The following NEGR1 variants were observed in gnomAD, a reference collection of about 807,000 sequenced individuals.
NEGR1 encodes IgLON family member 4.
A neutral mutation model predicts 40.9 loss-of-function variants in NEGR1; 10 were observed. The observed-to-expected ratio is 0.24, with a 90% CI of 0.15 to 0.42. NEGR1 has a LOEUF of 0.42. Among genes scored for constraint, NEGR1 ranks in the 10% least tolerant of loss-of-function variants. The probability of loss-of-function intolerance (pLI) is 1.00; values close to 1 mark genes in which losing one functional copy is unlikely to be tolerated. For missense variants in NEGR1, 352 were observed against 438.9 expected (o/e 0.80, Z 1.77); for synonymous variants, 185 against 166.8 (o/e 1.11, Z -0.84).
chr1:71,599,653 A>T, intron 5 of NEGR1, among the ~76,000 whole-genome samples: 1 of 152,248 alleles, frequency 6.6e-6, no homozygotes, highest in East Asian at 1.9e-4. Flanking sequence ...TTAGTTGTGC[A>T]TTTGAATAAA....
At position 71,399,570 on chromosome 1, in the gene NEGR1, TCAG is replaced by T; in HGVS notation, c.*7873_*7875del. The T allele has an allele frequency of 6.6e-6, 1 of 152,330 alleles. No individual in the cohort carries two copies. Among genetic ancestry groups the T allele is most frequent in the South Asian group, 2.1e-4 (1 of 4,830 alleles). 9.4% of individuals were successfully genotyped at this position (152,330 alleles called of 1,614,324 possible). A position where few individuals can be genotyped will look rare whatever the true frequency, so the allele number is the denominator to read the frequency against. On this transcript the variant is annotated 3_prime_UTR_variant, in exon 7 of 7. Coordinates refer to ENST00000357731, the MANE Select transcript of NEGR1 (RefSeq NM_173808.3). ...TCTTCTTCTACTTTAAAAAAATTAT[TCAG>T]AACACCACATGGCCAGCTTGCAAGC...
intron 6 of NEGR1, among the ~76,000 whole-genome samples, chr1:71,451,406 T>C (rs1646627245): frequency 6.6e-6 from 1 of 150,470 alleles, no homozygotes; most frequent in Admixed American, 6.7e-5. Context: ...CAATCTCGGC[T>C]CACTGCAACC....
At chr1:72,246,605 T>A (rs1481428219) in intron 1 of NEGR1, among the ~76,000 whole-genome samples, 1 of 152,250 alleles carries the variant, frequency 6.6e-6, no homozygotes, top group African/African-American at 2.4e-5. Context: ...TTGCCTTTTT[T>A]ATATAGGAAT....
At chr1:72,264,309 T>C (rs1655565390) in intron 1 of NEGR1, among the ~76,000 whole-genome samples, 1 of 151,218 alleles carries the variant, frequency 6.6e-6, no homozygotes, top group East Asian at 1.9e-4. Context: ...CTTGTTCTCC[T>C]TCCCTCATAA....
At chr1:72,053,572 C>A (rs1049148345) in intron 1 of NEGR1, among the ~76,000 whole-genome samples, 3 of 151,006 alleles carry the variant, frequency 2.0e-5, no homozygotes, top group Non-Finnish European at 4.5e-5. Flanking sequence ...GCTCTAGATA[C>A]AATTCACTTG....
intron 4 of NEGR1, among the ~76,000 whole-genome samples, chr1:71,677,173 T>G (rs1051373355): frequency 5.0e-4 from 76 of 152,322 alleles, no homozygotes; most frequent in African/African-American, 1.8e-3. Context: ...GTCATTATTC[T>G]GCCACACATG....
chr1:72,125,110 G>T (rs1422006842), intron 1 of NEGR1, among the ~76,000 whole-genome samples: 2 of 151,956 alleles, frequency 1.3e-5, no homozygotes, highest in Admixed American at 1.3e-4. Context: ...AGGAAAACAT[G>T]AAAGTTATTA....
intron 6 of NEGR1, among the ~76,000 whole-genome samples, chr1:71,471,472 C>T (rs771127630): frequency 6.6e-6 from 1 of 151,926 alleles, no homozygotes; most frequent in Non-Finnish European, 1.5e-5. Flanking sequence ...ATGGTGAAAC[C>T]CCATCTCTAC....
rs141386529 is a variant in NEGR1 at position 71,723,675 on chromosome 1, T to C, written c.536-25536A>G. 2.0e-3 allele frequency among the ~76,000 whole-genome samples: 298 copies of C among 152,198 alleles called. 1 individual carries two copies. Among genetic ancestry groups the C allele is most frequent in the Middle Eastern group, 0.01 (3 of 294 alleles). On this transcript the variant is annotated intron_variant, in intron 3 of 6. Coordinates refer to ENST00000357731, the MANE Select transcript of NEGR1 (RefSeq NM_173808.3). ...TCTCACTATTCACTTGTATCGTTTA[T>C]AATAAATTGAAGTGCCTTACAACAA...
In NEGR1 at chr1:71,404,244, T is replaced by G. The variant is rs1646263701; in HGVS notation, c.*3202A>C. On this transcript the variant is annotated 3_prime_UTR_variant, in exon 7 of 7. Coordinates refer to ENST00000357731, the MANE Select transcript of NEGR1 (RefSeq NM_173808.3). Reference sequence around the variant, plus strand: ...TCTAGATATAGCTTAAATGTTATGATGAAGCATTAATTTTTCAGTTAAGTT... The same window carrying G: ...TCTAGATATAGCTTAAATGTTATGAGGAAGCATTAATTTTTCAGTTAAGTT... 1 of 152,030 alleles carries G rather than the reference T, an allele frequency of 6.6e-6. No homozygotes were observed. Among genetic ancestry groups the G allele is most frequent in the Non-Finnish European group, 1.5e-5 (1 of 67,728 alleles). 9.4% of individuals were successfully genotyped at this position (152,030 alleles called of 1,614,324 possible). A position where few individuals can be genotyped will look rare whatever the true frequency, so the allele number is the denominator to read the frequency against.
intron 6 of NEGR1, among the ~76,000 whole-genome samples, chr1:71,428,347 G>T (rs961805463): frequency 1.3e-5 from 2 of 152,132 alleles, no homozygotes; most frequent in Non-Finnish European, 2.9e-5. Flanking sequence ...ATTCTAAATA[G>T]TACCTGTGTA....
In NEGR1 at chr1:72,246,599, C is replaced by A. The variant is rs1654910275; in HGVS notation, c.176+35720G>T. ...ACTTTTAACATCTATTTGCCATTGC[C>A]TTTTTTATATAGGAATACATTTCCA... On this transcript the variant is annotated intron_variant, in intron 1 of 6. Transcript: ENST00000357731. Among the ~76,000 whole-genome samples, 3 of 152,142 alleles carry A rather than the reference C, an allele frequency of 2.0e-5. No homozygotes were observed. The South Asian group carries it at 6.2e-4, about 31-fold the overall frequency.
chr1:72,021,951 T>C (rs3102903), intron 1 of NEGR1, among the ~76,000 whole-genome samples: 52,390 of 151,572 alleles, frequency 0.35, 11,071 homozygotes, highest in African/African-American at 0.59. Flanking sequence ...CTGGCTAACA[T>C]GGTGAAATCC....
intron 1 of NEGR1, among the ~76,000 whole-genome samples, chr1:71,988,935 A>AAAAAAAAAAAAAAAAAAAAAAAC (rs1646427193): frequency 6.6e-6 from 1 of 150,986 alleles, no homozygotes; most frequent in African/African-American, 2.4e-5. Flanking sequence ...AAAAAAAAAA[A>AAAAAAAAAAAAAAAAAAAAAAAC]AAAAAAAAAA....
intron 1 of NEGR1, among the ~76,000 whole-genome samples, chr1:72,094,323 T>A (rs537886618): frequency 6.2e-4 from 94 of 152,158 alleles, no homozygotes; most frequent in Middle Eastern, 3.4e-3. Context: ...TCTCAAAGAA[T>A]AAAAAGTAGG....
At chr1:72,235,967 T>C (rs906043908) in intron 1 of NEGR1, among the ~76,000 whole-genome samples, 4 of 152,030 alleles carry the variant, frequency 2.6e-5, no homozygotes, top group Non-Finnish European at 5.9e-5. Context: ...CATTCTACTA[T>C]AAAGGCACAT....
chr1:72,220,491 G>T (rs1010142706), intron 1 of NEGR1, among the ~76,000 whole-genome samples: 1 of 151,652 alleles, frequency 6.6e-6, no homozygotes, highest in Non-Finnish European at 1.5e-5. Context: ...AAAATCAGTA[G>T]ATTACTTATA....
chr1:71,690,833 T>C (rs1451451167), intron 4 of NEGR1, among the ~76,000 whole-genome samples: 3 of 151,974 alleles, frequency 2.0e-5, no homozygotes, highest in African/African-American at 7.2e-5. Flanking sequence ...TGTATATTTT[T>C]TGAAGTGATG....
intron 1 of NEGR1, among the ~76,000 whole-genome samples, chr1:72,007,791 T>C (rs991233209): frequency 2.0e-5 from 3 of 152,192 alleles, no homozygotes; most frequent in Non-Finnish European, 4.4e-5. Flanking sequence ...TTCTGTCATT[T>C]GCAAATAATT....
Sources: allele counts gnomAD v4.1 joint callset (sites outside exome capture counted in the v4.1 genomes callset), GRCh38; gene constraint gnomAD v4.1.1; transcripts MANE v1.5; gene names NCBI Gene and HGNC (gene_info 2026-07-23, HGNC 2026-07-21).